TLN2: variants seen among roughly 807,000 people sequenced by gnomAD.
TLN2 encodes talin-2.
TLN2 carries 118 observed loss-of-function variants against 294.7 expected under a neutral mutation model. The observed-to-expected ratio is 0.40, with a 90% CI of 0.34 to 0.47. The LOEUF is 0.47. TLN2 is among the 20% of genes least tolerant of loss of function. The pLI is 0.84. For synonymous variants in TLN2, 1,431 were observed against 1,304.5 expected (o/e 1.10, Z -2.09); for missense variants, 3,083 against 3,282.2 (o/e 0.94, Z 1.48).
chr15:62,484,002 T>C (rs2038246323), intron 1 of TLN2, among the ~76,000 whole-genome samples: 1 of 152,184 alleles, frequency 6.6e-6, no homozygotes. Context: ...GTGAGCCTTG[T>C]GCAGCAGCTG....
At chr15:62,776,198 G>C (rs2063710575) in intron 42 of TLN2, among the ~76,000 whole-genome samples, 1 of 152,154 alleles carries the variant, frequency 6.6e-6, no homozygotes, top group African/African-American at 2.4e-5. Flanking sequence ...TCTAAGGAAT[G>C]CATGGGTACT....
intron 1 of TLN2, among the ~76,000 whole-genome samples, chr15:62,520,487 G>GT (rs2040402088): frequency 6.6e-6 from 1 of 152,190 alleles, no homozygotes; most frequent in African/African-American, 2.4e-5. Context: ...TCTCTAAGGG[G>GT]TTAGAAAAGA....
chr15:62,443,101 C>T (rs1281691437), intron 1 of TLN2, among the ~76,000 whole-genome samples: 1 of 152,208 alleles, frequency 6.6e-6, no homozygotes, highest in African/African-American at 2.4e-5. Context: ...CTCCCCATCT[C>T]AAGATCCTCC....
intron 1 of TLN2, among the ~76,000 whole-genome samples, chr15:62,491,341 T>A (rs865927731): frequency 0.011 from 1,088 of 101,288 alleles, 14 homozygotes; most frequent in African/African-American, 0.022. Flanking sequence ...AAAAAAAATA[T>A]ATATATATAT....
At chr15:62,716,258 A>T in intron 22 of TLN2, 73 bp from the exon 23 acceptor site, 1 of 1,385,290 alleles carries the variant, frequency 7.2e-7, no homozygotes, top group South Asian at 2.0e-5. Context: ...ACTAAGAAAA[A>T]ATAATACTGA....
chr15:62,663,013 C>T (rs1433343459), intron 9 of TLN2, among the ~76,000 whole-genome samples: 3 of 151,822 alleles, frequency 2.0e-5, no homozygotes, highest in South Asian at 4.2e-4. Flanking sequence ...TTAGTAGGGA[C>T]GAGGTTTCAC....
intron 36 of TLN2, 99 bp downstream of exon 36, chr15:62,754,015 C>G: frequency 7.4e-7 from 1 of 1,358,620 alleles, no homozygotes; most frequent in Non-Finnish European, 9.6e-7. Flanking sequence ...CTTGTTCTTT[C>G]AGAGCTTGCA....
Position 62,633,890 on chromosome 15 carries a change from G to A in TLN2, c.-36-13385G>A, listed in dbSNP as rs558867705. On this transcript the variant is annotated intron_variant, in intron 3 of 58. Transcript: ENST00000636159. ...TTGGCAGGGTTGGTTCCCTCTGAAGGCTGTGAGGGAAGGATCTGTTTCAGG... is the reference window on the plus strand; with the variant it reads ...TTGGCAGGGTTGGTTCCCTCTGAAGACTGTGAGGGAAGGATCTGTTTCAGG... Among the ~76,000 whole-genome samples, 3 of 152,260 alleles carry A rather than the reference G, an allele frequency of 2.0e-5. No individual in the cohort carries two copies. In the East Asian group the frequency reaches 5.8e-4, roughly 29 times the overall value.
intron 1 of TLN2, among the ~76,000 whole-genome samples, chr15:62,441,381 G>A (rs2140305270): frequency 6.6e-6 from 1 of 152,330 alleles, no homozygotes; most frequent in Non-Finnish European, 1.5e-5. Flanking sequence ...ACAGCCACAT[G>A]CAACCATGCC....
At chr15:62,633,624 T>C (rs899031510) in intron 3 of TLN2, among the ~76,000 whole-genome samples, 1 of 152,180 alleles carries the variant, frequency 6.6e-6, no homozygotes, top group Non-Finnish European at 1.5e-5. Context: ...TTCACACACG[T>C]TTATAATTAT....
intron 2 of TLN2, among the ~76,000 whole-genome samples, chr15:62,609,412 A>G (rs938907893): frequency 6.6e-6 from 1 of 152,216 alleles, no homozygotes; most frequent in Non-Finnish European, 1.5e-5. Context: ...CATGTCCTTT[A>G]TAATGAAAGG....
chr15:62,458,639 C>G (rs986339357), intron 1 of TLN2, among the ~76,000 whole-genome samples: 3 of 147,480 alleles, frequency 2.0e-5, no homozygotes, highest in African/African-American at 2.5e-5. Context: ...TGTCATGGTG[C>G]GCACCTATAG....
At chr15:62,717,514 C>G (rs991206275) in intron 23 of TLN2, 62 bp from the exon 24 acceptor site, 1 of 1,169,532 alleles carries the variant, frequency 8.6e-7, no homozygotes, top group Admixed American at 3.4e-5. Flanking sequence ...GTGGAAGTGA[C>G]CTGTAGAACA....
At chr15:62,838,529 C>T (rs554934513) in intron 57 of TLN2, among the ~76,000 whole-genome samples, 24 of 152,286 alleles carry the variant, frequency 1.6e-4, no homozygotes, top group African/African-American at 4.6e-4. Context: ...GGCAGAACTC[C>T]GGCATGCCTC....
At chr15:62,509,548 C>G (rs1343927239) in intron 1 of TLN2, among the ~76,000 whole-genome samples, 1 of 152,178 alleles carries the variant, frequency 6.6e-6, no homozygotes, top group Non-Finnish European at 1.5e-5. Flanking sequence ...TCTGACACAG[C>G]AGTGTGGGTG....
At chr15:62,434,649 G>A (rs925879327) in intron 1 of TLN2, among the ~76,000 whole-genome samples, 3 of 152,188 alleles carry the variant, frequency 2.0e-5, no homozygotes, top group Non-Finnish European at 2.9e-5. Flanking sequence ...GAGAGTGCCT[G>A]TTCCCAGGAG....
chr15:62,553,466 C>T (rs933445711), intron 1 of TLN2, among the ~76,000 whole-genome samples: 4 of 151,282 alleles, frequency 2.6e-5, no homozygotes, highest in Non-Finnish European at 4.4e-5. Flanking sequence ...GTGTGGGCGA[C>T]AGAGCGAGAC....
At chr15:62,436,728 A>G (rs965277392) in intron 1 of TLN2, among the ~76,000 whole-genome samples, 5 of 151,894 alleles carry the variant, frequency 3.3e-5, no homozygotes, top group African/African-American at 9.7e-5. Context: ...CTCTTTATTT[A>G]TTTATTTTTT....
chr15:62,665,210 G>A (rs2054465272), intron 9 of TLN2, among the ~76,000 whole-genome samples: 1 of 151,982 alleles, frequency 6.6e-6, no homozygotes, highest in South Asian at 2.1e-4. Context: ...CTTCAGGCAT[G>A]CACCATCATG....
Sources: allele counts gnomAD v4.1 joint callset (sites outside exome capture counted in the v4.1 genomes callset), GRCh38; gene constraint gnomAD v4.1.1; transcripts MANE v1.5; gene names NCBI Gene and HGNC (gene_info 2026-07-23, HGNC 2026-07-21).